IGFL2: variants seen among roughly 807,000 people sequenced by gnomAD.
IGFL2 encodes the protein insulin growth factor-like family member 2.
IGFL2 carries 7 observed loss-of-function variants against 13.9 expected under a neutral mutation model. That is an observed-to-expected ratio of 0.51 (90% CI 0.29 to 0.95). The LOEUF is 0.95. Among genes scored for constraint, IGFL2 ranks in the 40% least tolerant of loss-of-function variants. The probability of loss-of-function intolerance (pLI) is 0.08; values close to 1 mark genes in which losing one functional copy is unlikely to be tolerated. For missense variants in IGFL2, 138 were observed against 147.8 expected, an observed-to-expected ratio of 0.93 and a Z score of 0.34; for synonymous variants, 55 against 55.8, an observed-to-expected ratio of 0.99 and a Z score of 0.07.
chr19:46,199,651 G>A, the IGFL2 span, among the ~76,000 whole-genome samples: 2 of 152,198 alleles, frequency 1.3e-5, no homozygotes, highest in East Asian at 3.9e-4. Flanking sequence ...AGGAGGGTCA[G>A]CTAGACTCCT....
downstream of IGFL2, among the ~76,000 whole-genome samples, chr19:46,161,942 A>G (rs530851677): frequency 6.6e-6 from 1 of 152,248 alleles, no homozygotes; most frequent in African/African-American, 2.4e-5. Context: ...GTGTTTTTGT[A>G]TTAGCTGGTT....
intron 1 of IGFL2, among the ~76,000 whole-genome samples, chr19:46,152,233 C>G (rs2146849459): frequency 6.9e-6 from 1 of 145,680 alleles, no homozygotes; most frequent in South Asian, 2.2e-4. Flanking sequence ...TTGAATTTTT[C>G]TATTAGTCTT....
chr19:46,153,203 T>A (rs945359264), intron 1 of IGFL2, among the ~76,000 whole-genome samples: 1 of 152,234 alleles, frequency 6.6e-6, no homozygotes, highest in African/African-American at 2.4e-5. Context: ...AAAGTTGTGT[T>A]TGGTTTTTTT....
upstream of IGFL2, among the ~76,000 whole-genome samples, chr19:46,143,380 C>G (rs926514212): frequency 6.6e-6 from 1 of 150,878 alleles, no homozygotes; most frequent in South Asian, 2.1e-4. Context: ...TTTGTAGTTA[C>G]GTTTTTTGTT....
chr19:46,115,362 C>T, the IGFL2 span, among the ~76,000 whole-genome samples: 2 of 152,188 alleles, frequency 1.3e-5, no homozygotes, highest in Non-Finnish European at 1.5e-5. Flanking sequence ...ATGTGAATAA[C>T]CCCCAAAATA....
At chr19:46,169,171 A>G in the IGFL2 span, among the ~76,000 whole-genome samples, 1 of 152,110 alleles carries the variant, frequency 6.6e-6, no homozygotes, top group Non-Finnish European at 1.5e-5. Context: ...GCACCAGTGC[A>G]CTCCAGTCTG....
At chr19:46,106,081 T>A in the IGFL2 span, among the ~76,000 whole-genome samples, 1 of 152,110 alleles carries the variant, frequency 6.6e-6, no homozygotes, top group African/African-American at 2.4e-5. Flanking sequence ...ACCTTAACCA[T>A]GCCTAGGAAG....
chr19:46,100,343 A>G, the IGFL2 span, among the ~76,000 whole-genome samples: 1 of 152,190 alleles, frequency 6.6e-6, no homozygotes, highest in African/African-American at 2.4e-5. Flanking sequence ...TTATTTGCCA[A>G]AGTTAAGGAT....
chr19:46,149,653 T>C (rs1973365926), intron 1 of IGFL2, among the ~76,000 whole-genome samples: 1 of 151,078 alleles, frequency 6.6e-6, no homozygotes, highest in African/African-American at 2.4e-5. Flanking sequence ...TTCGTGTAAC[T>C]TTTTTTTTAA....
At chr19:46,213,361 A>T in the IGFL2 span, 1 of 152,692 alleles carries the variant, frequency 6.5e-6, no homozygotes, top group African/African-American at 2.4e-5. Flanking sequence ...AGGGCCAGAC[A>T]TGCCGTGACA....
At chr19:46,132,630 GAGA>G in the IGFL2 span, among the ~76,000 whole-genome samples, 1 of 151,306 alleles carries the variant, frequency 6.6e-6, no homozygotes, top group African/African-American at 2.4e-5. Context: ...GAAGGGGAGA[GAGA>G]AGGAGAGGAA....
chr19:46,087,977 G>T, the IGFL2 span, among the ~76,000 whole-genome samples: 4 of 152,318 alleles, frequency 2.6e-5, 1 homozygote, highest in South Asian at 8.3e-4. Context: ...GCAGTCTCCA[G>T]ACAGCTCCCT....
chr19:46,191,633 C>G, the IGFL2 span, among the ~76,000 whole-genome samples: 2 of 152,094 alleles, frequency 1.3e-5, no homozygotes, highest in Non-Finnish European at 2.9e-5. Context: ...GCCCTTTTCT[C>G]TCTCCTTTTT....
the IGFL2 span, among the ~76,000 whole-genome samples, chr19:46,134,322 G>A: frequency 6.6e-6 from 1 of 152,150 alleles, no homozygotes; most frequent in Non-Finnish European, 1.5e-5. Context: ...CCAGGGACTG[G>A]TTTCCCAAGG....
the IGFL2 span, among the ~76,000 whole-genome samples, chr19:46,118,202 A>C: frequency 1.3e-5 from 2 of 152,246 alleles, no homozygotes. Context: ...TCAAACTTCT[A>C]TAAATTGGAA....
At chr19:46,125,376 A>T in the IGFL2 span, among the ~76,000 whole-genome samples, 5 of 152,208 alleles carry the variant, frequency 3.3e-5, no homozygotes, top group African/African-American at 1.2e-4. Flanking sequence ...GGCCAATGAT[A>T]AGTGATGTAG....
At chr19:46,150,849 T>C (rs760477587) in intron 1 of IGFL2, among the ~76,000 whole-genome samples, 8 of 152,160 alleles carry the variant, frequency 5.3e-5, no homozygotes, top group Non-Finnish European at 1.2e-4. Flanking sequence ...TTGTTTTTCA[T>C]AGAGACGATG....
chr19:46,193,391 G>A, the IGFL2 span, among the ~76,000 whole-genome samples: 1 of 152,082 alleles, frequency 6.6e-6, no homozygotes, highest in African/African-American at 2.4e-5. Context: ...CAGATCAACT[G>A]TCATGCTATT....
the IGFL2 span, among the ~76,000 whole-genome samples, chr19:46,085,550 A>G: frequency 1.3e-5 from 2 of 152,116 alleles, no homozygotes; most frequent in Admixed American, 6.5e-5. Context: ...TGAATACAGT[A>G]TACAGTTGGG....
Sources: gnomAD v4.1 joint callset for allele counts (sites outside exome capture counted in the v4.1 genomes callset) on GRCh38, gnomAD v4.1.1 for gene constraint, MANE v1.5 for transcripts, NCBI Gene and HGNC (gene_info 2026-07-23, HGNC 2026-07-21) for gene names.